The following LRRC7 variants were observed in gnomAD, a reference collection of about 807,000 sequenced individuals.
LRRC7 encodes the protein leucine-rich repeat-containing protein 7.
Under a neutral mutation model 175.7 loss-of-function variants are expected in LRRC7, and 23 were observed. The observed-to-expected ratio is 0.13, with a 90% confidence interval of 0.09 to 0.19. The LOEUF (loss-of-function observed/expected upper bound fraction) is 0.19. Ranked by LOEUF, LRRC7 falls within the 10% of genes least tolerant of loss-of-function variation. The pLI, the probability that LRRC7 is intolerant of heterozygous loss-of-function variation, is 1.00. For synonymous variants in LRRC7, 685 were observed against 680.9 expected, an observed-to-expected ratio of 1.01 and a Z score of -0.09; for missense variants, 1,354 against 1,904.7, an observed-to-expected ratio of 0.71 and a Z score of 5.38.
chr1:69,754,805 A>G (rs1670224009), intron 2 of LRRC7, among the ~76,000 whole-genome samples: 1 of 152,048 alleles, frequency 6.6e-6, no homozygotes. Flanking sequence ...TATAAAACAT[A>G]AAGTAGAAAT....
At chr1:69,654,599 G>A (rs1315651233) in intron 1 of LRRC7, among the ~76,000 whole-genome samples, 2 of 152,004 alleles carry the variant, frequency 1.3e-5, no homozygotes, top group Non-Finnish European at 2.9e-5. Flanking sequence ...GTTATGCTAG[G>A]TGAAGAAGCA....
At chr1:69,781,510 C>T (rs1035883788) in intron 3 of LRRC7, among the ~76,000 whole-genome samples, 4 of 150,930 alleles carry the variant, frequency 2.7e-5, no homozygotes, top group South Asian at 2.1e-4. Context: ...GGTGAAGTCC[C>T]GTCTGTACCA....
intron 7 of LRRC7, among the ~76,000 whole-genome samples, chr1:69,891,558 C>G (rs749012513): frequency 6.6e-6 from 1 of 151,996 alleles, no homozygotes; most frequent in Admixed American, 6.6e-5. Flanking sequence ...ATGGTGAAAC[C>G]CCACCTCTAC....
chr1:70,118,385 C>T (rs17131219), intron 26 of LRRC7, among the ~76,000 whole-genome samples: 19,436 of 151,392 alleles, frequency 0.13, 1,724 homozygotes, highest in African/African-American at 0.25. Context: ...AGATTTTTAA[C>T]TTAGGACTAA....
chr1:69,844,722 A>G (rs1046057105), intron 7 of LRRC7, among the ~76,000 whole-genome samples: 4 of 152,142 alleles, frequency 2.6e-5, no homozygotes, highest in Non-Finnish European at 5.9e-5. Context: ...TTGCTGGATC[A>G]TATGGTAGTT....
At chr1:69,866,336 G>A (rs1190939017) in intron 7 of LRRC7, among the ~76,000 whole-genome samples, 1 of 152,210 alleles carries the variant, frequency 6.6e-6, no homozygotes, top group East Asian at 1.9e-4. Context: ...TGTCAAAGGT[G>A]GAAGAGGACT....
At chr1:69,925,780 T>A (rs1176964619) in intron 7 of LRRC7, among the ~76,000 whole-genome samples, 23 of 148,292 alleles carry the variant, frequency 1.6e-4, no homozygotes, top group Admixed American at 5.4e-4. Flanking sequence ...TTTGAAGGGT[T>A]TTTTTGTGTC....
In LRRC7 at chr1:69,851,545, T is replaced by C. The variant is rs529192081; in HGVS notation, c.647+13262T>C. Among the ~76,000 whole-genome samples, 9 of 152,244 alleles carry C rather than the reference T, an allele frequency of 5.9e-5. No homozygotes were observed. The South Asian group carries it at 1.2e-3, about 21-fold the overall frequency. On this transcript the variant is annotated intron_variant, in intron 7 of 26. Coordinates refer to ENST00000651989, the MANE Select transcript of LRRC7 (RefSeq NM_001370785.2). ...AAGATGTCCGTAGAAGCAGGGACTC[T>C]TCTAACATGGAAACACTGGTGGCCC...
intron 1 of LRRC7, among the ~76,000 whole-genome samples, chr1:69,649,314 T>C (rs1655442689): frequency 6.6e-6 from 1 of 152,226 alleles, no homozygotes. Flanking sequence ...TTGTTAGTTC[T>C]TGTTTTATTC....
chr1:69,673,179 C>A (rs1659330529), intron 1 of LRRC7, among the ~76,000 whole-genome samples: 1 of 152,178 alleles, frequency 6.6e-6, no homozygotes, highest in South Asian at 2.1e-4. Context: ...AAGAAAACAT[C>A]AACTAGGACT....
At chr1:69,686,640 T>C (rs1293653692) in intron 2 of LRRC7, among the ~76,000 whole-genome samples, 2 of 151,990 alleles carry the variant, frequency 1.3e-5, no homozygotes, top group Non-Finnish European at 2.9e-5. Context: ...GAACTAAATA[T>C]ACTCATGTAA....
intron 8 of LRRC7, among the ~76,000 whole-genome samples, chr1:69,951,991 AGTAAAT>A (rs1001204259): frequency 2.6e-5 from 4 of 152,086 alleles, no homozygotes; most frequent in Non-Finnish European, 5.9e-5. Flanking sequence ...TTTGAAACTT[AGTAAAT>A]GTGACTGAGC....
chr1:69,673,411 TGAGTTGTTA>T (rs994076098), intron 1 of LRRC7, among the ~76,000 whole-genome samples: 1 of 152,222 alleles, frequency 6.6e-6, no homozygotes, highest in Non-Finnish European at 1.5e-5. Context: ...AGCTCTTCAA[TGAGTTGTTA>T]GAGCATCTGT....
At chr1:69,603,662 A>G (rs1327490648) in intron 1 of LRRC7, among the ~76,000 whole-genome samples, 1 of 152,202 alleles carries the variant, frequency 6.6e-6, no homozygotes, top group African/African-American at 2.4e-5. Context: ...AAATGTAAGT[A>G]GAAATTCTTA....
At chr1:69,966,510 A>G (rs1368863080) in intron 8 of LRRC7, among the ~76,000 whole-genome samples, 5 of 152,240 alleles carry the variant, frequency 3.3e-5, no homozygotes, top group East Asian at 1.9e-4. Context: ...ATCAAATTCT[A>G]TCATCCAAAT....
At chr1:69,919,522 C>T (rs902513896) in intron 7 of LRRC7, 12 of 816,600 alleles carry the variant, frequency 1.5e-5, no homozygotes, top group Non-Finnish European at 2.3e-5. Context: ...CGCCAGGGTC[C>T]GCCGCTCGCA....
At chr1:69,630,090 G>A (rs1652240358) in intron 1 of LRRC7, among the ~76,000 whole-genome samples, 1 of 151,892 alleles carries the variant, frequency 6.6e-6, no homozygotes, top group South Asian at 2.1e-4. Flanking sequence ...AGATTACATT[G>A]TATTCTGCCT....
chr1:69,618,395 G>C (rs1387241148), intron 1 of LRRC7, among the ~76,000 whole-genome samples: 1 of 152,088 alleles, frequency 6.6e-6, no homozygotes, highest in African/African-American at 2.4e-5. Flanking sequence ...AGTCAATTCT[G>C]TTTCAGCAAC....
chr1:70,008,193 G>T (rs140955799), intron 11 of LRRC7, among the ~76,000 whole-genome samples: 28 of 152,120 alleles, frequency 1.8e-4, no homozygotes, highest in African/African-American at 6.5e-4. Flanking sequence ...ATGTAGGCTG[G>T]GGGGCTAGGC....
Sources: allele counts gnomAD v4.1 joint callset (sites outside exome capture counted in the v4.1 genomes callset), GRCh38; gene constraint gnomAD v4.1.1; transcripts MANE v1.5; gene names NCBI Gene and HGNC (gene_info 2026-07-23, HGNC 2026-07-21).